The following SEPTIN14 variants were observed in gnomAD, a reference collection of about 807,000 sequenced individuals.
The protein encoded by SEPTIN14 is septin 14, also known as septin-14.
SEPTIN14 carries 40 observed loss-of-function variants against 53.6 expected under a neutral mutation model. The ratio of observed to expected loss-of-function variants is 0.75; its 90% confidence interval spans 0.58 to 0.97. SEPTIN14 has a LOEUF of 0.97. Ranked by LOEUF, SEPTIN14 falls within the 50% of genes least tolerant of loss-of-function variation. The probability of loss-of-function intolerance (pLI) is 0.00; values close to 1 mark genes in which losing one functional copy is unlikely to be tolerated. For synonymous variants in SEPTIN14, 138 were observed against 166.8 expected (o/e 0.83, Z 1.33); for missense variants, 471 against 508.2 (o/e 0.93, Z 0.70).
chr7:55,839,257 C>T (rs1380282341), intron 5 of SEPTIN14, among the ~76,000 whole-genome samples: 5 of 151,822 alleles, frequency 3.3e-5, no homozygotes, highest in Non-Finnish European at 7.4e-5. Context: ...GGCGTGGTAG[C>T]GGGCACCTGT....
At chr7:55,843,786 C>T (rs182899225) in intron 4 of SEPTIN14, among the ~76,000 whole-genome samples, 97 of 152,238 alleles carry the variant, frequency 6.4e-4, no homozygotes, top group East Asian at 2.5e-3. Context: ...GAGCCGAGAT[C>T]GCGCCACTGC....
At chr7:55,859,441 A>G (rs1271984930) in intron 2 of SEPTIN14, among the ~76,000 whole-genome samples, 2 of 152,004 alleles carry the variant, frequency 1.3e-5, no homozygotes, top group Non-Finnish European at 2.9e-5. Flanking sequence ...TGGGAGCTCT[A>G]TTGTGTTTCA....
chr7:55,832,472 C>T (rs1240701112), intron 6 of SEPTIN14, among the ~76,000 whole-genome samples: 3 of 152,110 alleles, frequency 2.0e-5, no homozygotes, highest in Non-Finnish European at 2.9e-5. Flanking sequence ...TACATTCCTA[C>T]TCATAATAGT....
chr7:55,842,083 A>C (rs1360216235), intron 5 of SEPTIN14, among the ~76,000 whole-genome samples: 1 of 152,120 alleles, frequency 6.6e-6, no homozygotes, highest in Admixed American at 6.6e-5. Context: ...TTGTGTTATA[A>C]TTCTACAGTA....
At chr7:55,807,725 G>C (rs1052002253) in intron 7 of SEPTIN14, among the ~76,000 whole-genome samples, 1 of 152,032 alleles carries the variant, frequency 6.6e-6, no homozygotes, top group East Asian at 1.9e-4. Flanking sequence ...ATATTTAGGA[G>C]ACACCGTTAG....
chr7:55,851,105 C>T (rs903206733), intron 2 of SEPTIN14, among the ~76,000 whole-genome samples: 2 of 152,048 alleles, frequency 1.3e-5, no homozygotes, highest in Admixed American at 6.6e-5. Flanking sequence ...CATTCTGCAA[C>T]TTGCTTTTTT....
chr7:55,811,323 C>A, intron 7 of SEPTIN14: 1 of 508,690 alleles, frequency 2.0e-6, no homozygotes, highest in Non-Finnish European at 4.0e-6. Context: ...TTCCACTTTG[C>A]AGTCGAAGTC....
At chr7:55,856,982 A>G (rs1789639634) in intron 2 of SEPTIN14, among the ~76,000 whole-genome samples, 1 of 151,812 alleles carries the variant, frequency 6.6e-6, no homozygotes, top group Non-Finnish European at 1.5e-5. Flanking sequence ...AGGCACGAGA[A>G]TCGGTTGAAC....
intron 5 of SEPTIN14, among the ~76,000 whole-genome samples, chr7:55,837,596 T>C (rs1000078598): frequency 4.6e-5 from 7 of 152,090 alleles, no homozygotes; most frequent in Admixed American, 4.6e-4. Flanking sequence ...TTATTTTTTT[T>C]TTTGGAGACA....
Position 55,795,022 on chromosome 7 carries a change from C to A in SEPTIN14, c.*891G>T, listed in dbSNP as rs1788405859. 6.6e-6 allele frequency: 1 copy of A among 152,116 alleles called. No individual in the cohort carries two copies. Among genetic ancestry groups the A allele is most frequent in the Non-Finnish European group, 1.5e-5 (1 of 68,032 alleles). The allele number at this position is 152,116 out of a possible 1,614,324, so 9.4% of individuals were successfully genotyped here. On this transcript the variant is annotated 3_prime_UTR_variant, in exon 10 of 10. Coordinates refer to ENST00000388975, the MANE Select transcript of SEPTIN14 (RefSeq NM_207366.3). The stretch of plus-strand genomic sequence containing the variant: ...AACACATAATATTATCATTCAAATG[C>A]AACTCTTTCTCTAGCTTTTGAATTC...
Position 55,795,160 on chromosome 7 carries a change from G to A in SEPTIN14, c.*753C>T, listed in dbSNP as rs1190860382. 6 of 152,004 alleles carry A rather than the reference G, an allele frequency of 3.9e-5. No individual in the cohort carries two copies. The highest frequency in any genetic ancestry group is 1.2e-4 in the African/African-American group (5 of 41,368). 9.4% of individuals were successfully genotyped at this position (152,004 alleles called of 1,614,324 possible). On this transcript the variant is annotated 3_prime_UTR_variant, in exon 10 of 10. Coordinates refer to ENST00000388975, the MANE Select transcript of SEPTIN14 (RefSeq NM_207366.3). ...ATTATCAGTAGTAGAACTTAAAAAG[G>A]AAAATAGGCCTATTAATTAGATTTG...
At chr7:55,843,524 A>C (rs1789351149) in intron 4 of SEPTIN14, among the ~76,000 whole-genome samples, 2 of 152,204 alleles carry the variant, frequency 1.3e-5, no homozygotes, top group Non-Finnish European at 2.9e-5. Context: ...TCTCAGTCAG[A>C]ATGGCTATTG....
chr7:55,826,420 C>T lies in SEPTIN14; in HGVS notation c.721-7197G>A, dbSNP rs140400222. ...GATTTCTCAAAAGAATCTTGCAGAT[C>T]AAGAAACAGTGGGATGATTCAATGT... On this transcript the variant is annotated intron_variant, in intron 6 of 9. Transcript: ENST00000388975. 1.1e-3 allele frequency among the ~76,000 whole-genome samples: 167 copies of T among 152,230 alleles called. 2 individuals are homozygous for T. Among genetic ancestry groups the T allele is most frequent in the African/African-American group, 3.9e-3 (160 of 41,536 alleles).
rs376688417 is a variant in SEPTIN14 at position 55,844,735 on chromosome 7, G to C, written c.176-17C>G. 2 of 1,445,718 alleles carry C rather than the reference G, an allele frequency of 1.4e-6. No homozygotes were observed. The highest frequency in any genetic ancestry group is 1.9e-6 in the Non-Finnish European group (2 of 1,053,958). The allele number at this position is 1,445,718 out of a possible 1,614,324, so 89.6% of individuals were successfully genotyped here. A position where few individuals can be genotyped will look rare whatever the true frequency, so the allele number is the denominator to read the frequency against. The stretch of plus-strand genomic sequence containing the variant: ...CAGTCTCCCCTGTAATAGACATAGA[G>C]TCATTGTCATAGGGACATAAAGGGG... On this transcript the variant is annotated splice_polypyrimidine_tract_variant and intron_variant, in intron 3 of 9. Transcript: ENST00000388975.
chr7:55,810,332 G>A (rs1450616537), intron 7 of SEPTIN14, among the ~76,000 whole-genome samples: 2 of 151,898 alleles, frequency 1.3e-5, no homozygotes, highest in African/African-American at 4.8e-5. Flanking sequence ...TGAGTTGTTA[G>A]AGTAATATCA....
rs1468331251 is a variant in SEPTIN14, at chr7:55,795,711, A to AC, written c.*201dup. On this transcript the variant is annotated 3_prime_UTR_variant, in exon 10 of 10. Transcript: ENST00000388975. Reference sequence around the variant, plus strand: ...TTGAACTCCTGACCTCAGGTGGTCCACCCGCCTCAGCCTCCCAAAGTGCTG... The same window carrying AC: ...TTGAACTCCTGACCTCAGGTGGTCCACCCCGCCTCAGCCTCCCAAAGTGCTG... The AC allele has an allele frequency of 5.5e-6, 3 of 549,882 alleles. No individual in the cohort carries two copies. The highest frequency in any genetic ancestry group is 3.8e-5 in the African/African-American group (2 of 52,282). The allele number at this position is 549,882 out of a possible 1,614,324, so 34.1% of individuals were successfully genotyped here.
intron 6 of SEPTIN14, among the ~76,000 whole-genome samples, chr7:55,823,936 G>T (rs891831970): frequency 2.7e-5 from 4 of 150,010 alleles, no homozygotes; most frequent in African/African-American, 9.8e-5. Context: ...TGTCACCCAG[G>T]CTGGAGTGCA....
At chr7:55,813,565 A>G (rs1788742141) in intron 7 of SEPTIN14, among the ~76,000 whole-genome samples, 2 of 152,184 alleles carry the variant, frequency 1.3e-5, no homozygotes, top group South Asian at 4.1e-4. Flanking sequence ...ACTTGTGGGA[A>G]AGAAAAGGAA....
chr7:55,844,326 A>G lies in SEPTIN14; in HGVS notation c.371+197T>C, dbSNP rs1243785005. On this transcript the variant is annotated intron_variant, in intron 4 of 9. Transcript: ENST00000388975. Reference sequence around the variant, plus strand: ...GAAGCTATATTTAAAATTTTTTGCTATAACTGGCTAAATAAAAATCTTGTA... The same window carrying G: ...GAAGCTATATTTAAAATTTTTTGCTGTAACTGGCTAAATAAAAATCTTGTA... Among the ~76,000 whole-genome samples, 3 of 152,136 alleles carry G rather than the reference A, an allele frequency of 2.0e-5. No individual in the cohort carries two copies. The East Asian group carries it at 5.8e-4, about 29-fold the overall frequency.
Sources: gnomAD v4.1 joint callset for allele counts (sites outside exome capture counted in the v4.1 genomes callset) on GRCh38, gnomAD v4.1.1 for gene constraint, MANE v1.5 for transcripts, NCBI Gene and HGNC (gene_info 2026-07-23, HGNC 2026-07-21) for gene names.